Variants in FAM13C observed in about 807,000 individuals in gnomAD.
FAM13C encodes family with sequence similarity 13 member C, also known as protein FAM13C.
A neutral mutation model predicts 73.2 loss-of-function variants in FAM13C; 37 were observed. The ratio of observed to expected loss-of-function variants is 0.51; its 90% CI spans 0.39 to 0.67. FAM13C has a LOEUF of 0.67. Among genes scored for constraint, FAM13C ranks in the 30% least tolerant of loss-of-function variants. The pLI is 0.00. For missense variants in FAM13C, 589 were observed against 715.6 expected (o/e 0.82, Z 2.02); for synonymous variants, 246 against 260.9 (o/e 0.94, Z 0.55).
chr10:59,278,755 GT>G (rs141214607), intron 6 of FAM13C, among the ~76,000 whole-genome samples: 6,247 of 152,110 alleles, frequency 0.041, 191 homozygotes, highest in Non-Finnish European at 0.062. Context: ...CCATTTTTCA[GT>G]TAAAGCATTA....
chr10:59,285,180 A>G (rs765105650), intron 5 of FAM13C, among the ~76,000 whole-genome samples: 3 of 152,208 alleles, frequency 2.0e-5, no homozygotes, highest in Non-Finnish European at 4.4e-5. Flanking sequence ...AAACCTCCTA[A>G]GAGCTCAGCG....
intron 4 of FAM13C, among the ~76,000 whole-genome samples, chr10:59,311,084 C>T (rs1185134771): frequency 6.6e-6 from 1 of 152,124 alleles, no homozygotes; most frequent in Non-Finnish European, 1.5e-5. Flanking sequence ...AAAGGCTGTG[C>T]CCCTCAAAAC....
At chr10:59,357,135 T>C (rs1304662814) in intron 1 of FAM13C, among the ~76,000 whole-genome samples, 2 of 152,324 alleles carry the variant, frequency 1.3e-5, no homozygotes, top group South Asian at 4.1e-4. Flanking sequence ...AGACGGACTA[T>C]TGTGGGACTT....
At chr10:59,327,671 A>G (rs1207959438) in intron 3 of FAM13C, 1 of 151,734 alleles carries the variant, frequency 6.6e-6, no homozygotes, top group Non-Finnish European at 1.5e-5. Context: ...CGGCTGTAAC[A>G]TTCGGCTCAA....
intron 4 of FAM13C, among the ~76,000 whole-genome samples, chr10:59,315,246 C>A (rs938825301): frequency 1.3e-5 from 2 of 152,098 alleles, no homozygotes; most frequent in African/African-American, 4.8e-5. Context: ...CATCTCCCCC[C>A]AAAATTACCA....
chr10:59,249,268 G>A (rs962759137), intron 13 of FAM13C, among the ~76,000 whole-genome samples: 2 of 151,922 alleles, frequency 1.3e-5, no homozygotes, highest in African/African-American at 4.8e-5. Flanking sequence ...GCCACGCGTG[G>A]TGGCGTACGC....
chr10:59,354,913 T>C (rs986248941), intron 2 of FAM13C, among the ~76,000 whole-genome samples: 3 of 151,920 alleles, frequency 2.0e-5, no homozygotes, highest in African/African-American at 7.3e-5. Context: ...ACTCAAACAA[T>C]TCTCTCTACC....
intron 3 of FAM13C, among the ~76,000 whole-genome samples, chr10:59,325,481 C>T (rs1850972682): frequency 6.6e-6 from 1 of 152,186 alleles, no homozygotes; most frequent in Admixed American, 6.5e-5. Flanking sequence ...AGACACTCCA[C>T]ATGAAAAGTT....
chr10:59,345,867 T>C (rs1854228718), intron 3 of FAM13C, among the ~76,000 whole-genome samples: 1 of 152,200 alleles, frequency 6.6e-6, no homozygotes, highest in Non-Finnish European at 1.5e-5. Context: ...TACTAAATCA[T>C]GCATGAGAAA....
rs1377549027 is a variant in FAM13C at position 59,251,583 on chromosome 10, T to C, written c.1626A>G (p.Gln542=). 1 of 1,613,650 alleles carries C rather than the reference T, an allele frequency of 6.2e-7. No homozygotes were observed. The highest frequency in any genetic ancestry group is 8.5e-7 in the Non-Finnish European group (1 of 1,179,598). Reference sequence around the variant, plus strand: ...TCTCTGCCGACACATACCTTCCTGTTTGTTTAAAAAACTGTTCTTCAAATT... The same window carrying C: ...TCTCTGCCGACACATACCTTCCTGTCTGTTTAAAAAACTGTTCTTCAAATT... ...LREFEEQFFK[Q]TGRSPQKEDR... Residue 542 remains glutamine (Q), a synonymous_variant, in exon 13 of 14, where the codon CAA becomes CAG. Coordinates refer to ENST00000618804, the MANE Select transcript of FAM13C (RefSeq NM_198215.4).
intron 3 of FAM13C, among the ~76,000 whole-genome samples, chr10:59,327,363 T>C (rs1032967100): frequency 2.6e-5 from 4 of 152,102 alleles, no homozygotes; most frequent in Non-Finnish European, 4.4e-5. Context: ...AAAACAAGAA[T>C]AGTAGTACTC....
At chr10:59,334,539 A>C (rs1468872519) in intron 3 of FAM13C, among the ~76,000 whole-genome samples, 1 of 152,200 alleles carries the variant, frequency 6.6e-6, no homozygotes, top group African/African-American at 2.4e-5. Flanking sequence ...CTGGATTAAG[A>C]AAACGTGCCA....
At chr10:59,309,896 C>T (rs984799761) in intron 4 of FAM13C, among the ~76,000 whole-genome samples, 1 of 152,120 alleles carries the variant, frequency 6.6e-6, no homozygotes, top group African/African-American at 2.4e-5. Context: ...GCTGCCAATT[C>T]TTATATATTT....
chr10:59,254,281 C>CTA, intron 11 of FAM13C, 67 bp downstream of exon 11: 1 of 1,053,204 alleles, frequency 9.5e-7, no homozygotes, highest in Non-Finnish European at 1.4e-6. Context: ...AACTCTTGTA[C>CTA]TACTATGTGA....
At chr10:59,340,525 C>A (rs556196502) in intron 3 of FAM13C, among the ~76,000 whole-genome samples, 1 of 152,100 alleles carries the variant, frequency 6.6e-6, no homozygotes, top group South Asian at 2.1e-4. Context: ...AACACCCAGA[C>A]CCTTGTTCCT....
intron 4 of FAM13C, among the ~76,000 whole-genome samples, chr10:59,306,467 T>C (rs1444694192): frequency 6.6e-6 from 1 of 152,198 alleles, no homozygotes; most frequent in Non-Finnish European, 1.5e-5. Flanking sequence ...TCAGAGGCAG[T>C]GCCTTAAGGA....
rs143099283 is a variant in FAM13C, at chr10:59,350,845, A to G, written c.324+1425T>C. Reference sequence around the variant, plus strand: ...AGGACTGGGCTTAAAAGTTATTACAAAATTAACCTATTACACTTAAAGCCT... The same window carrying G: ...AGGACTGGGCTTAAAAGTTATTACAGAATTAACCTATTACACTTAAAGCCT... On this transcript the variant is annotated intron_variant, in intron 3 of 13. Coordinates refer to ENST00000618804, the MANE Select transcript of FAM13C (RefSeq NM_198215.4). Among the ~76,000 whole-genome samples, 846 of 152,324 alleles carry G rather than the reference A, an allele frequency of 5.6e-3. 11 individuals carry two copies. The highest frequency in any genetic ancestry group is 0.019 in the African/African-American group (807 of 41,574).
Position 59,252,975 on chromosome 10 carries a change from T to C in FAM13C, c.1356A>G (p.Glu452=). The change falls in exon 12 of 14, where the codon GAA becomes GAG. Residue 452 remains glutamate, a synonymous_variant. Transcript: ENST00000618804. ...PTIQEEEDSD[E]DRPQGSQQPS... ...GTTGTTGGCTTCCCTGTGGACGGTC[T>C]TCATCAGAGTCCTCTTCCTCCTGCT... is the stretch of plus-strand genomic sequence containing the variant. 1 of 1,613,740 alleles carries C rather than the reference T, an allele frequency of 6.2e-7. No individual in the cohort carries two copies.
At chr10:59,344,118 C>T (rs779037793) in intron 3 of FAM13C, among the ~76,000 whole-genome samples, 3 of 151,302 alleles carry the variant, frequency 2.0e-5, no homozygotes, top group African/African-American at 4.9e-5. Flanking sequence ...CCCGCCACCA[C>T]GCCCAGCTAA....
Sources: gnomAD v4.1 joint callset for allele counts (sites outside exome capture counted in the v4.1 genomes callset) on GRCh38, gnomAD v4.1.1 for gene constraint, MANE v1.5 for transcripts, NCBI Gene and HGNC (gene_info 2026-07-23, HGNC 2026-07-21) for gene names.